Variants in GAS7 observed in about 807,000 individuals in gnomAD.
GAS7 encodes the protein growth arrest-specific protein 7.
In GAS7, 28 loss-of-function variants were observed where a neutral mutation model predicts 71.1. That is an observed-to-expected ratio of 0.39 (90% CI 0.29 to 0.54). GAS7 has a LOEUF of 0.54. Among genes scored for constraint, GAS7 ranks in the 20% least tolerant of loss-of-function variants. The probability of loss-of-function intolerance (pLI) is 0.62; values close to 1 mark genes in which losing one functional copy is unlikely to be tolerated. For missense variants in GAS7, 436 were observed against 627.8 expected (o/e 0.69, Z 3.27); for synonymous variants, 258 against 245.8 (o/e 1.05, Z -0.46).
intron 2 of GAS7, among the ~76,000 whole-genome samples, chr17:10,001,902 C>T (rs3786081): frequency 0.24 from 36,601 of 152,014 alleles, 6,830 homozygotes; most frequent in African/African-American, 0.53. Flanking sequence ...CCACATTCAC[C>T]GATGGCCTGG....
chr17:10,055,172 A>G (rs545156828), intron 1 of GAS7, among the ~76,000 whole-genome samples: 5 of 152,314 alleles, frequency 3.3e-5, no homozygotes, highest in African/African-American at 1.2e-4. Flanking sequence ...TGAATGTGAA[A>G]TGACACAGCC....
Position 9,940,106 on chromosome 17 carries a change from C to T in GAS7, c.806+20G>A, listed in dbSNP as rs139109935. 638 of 1,405,182 alleles carry T rather than the reference C, an allele frequency of 4.5e-4. 10 individuals are homozygous for T. The East Asian group carries it at 0.013, about 28-fold the overall frequency. The allele number at this position is 1,405,182 out of a possible 1,614,324, so 87.0% of individuals were successfully genotyped here. A position where few individuals can be genotyped will look rare whatever the true frequency, so the allele number is the denominator to read the frequency against. The stretch of plus-strand genomic sequence containing the variant: ...TGACCCCCCATCCTCCCCACTCCCA[C>T]CTCTCTCCTACCCACTCACCCTTCC... On this transcript the variant is annotated intron_variant, in intron 8 of 13. Transcript: ENST00000432992.
At chr17:10,142,025 A>G (rs368423237) in intron 1 of GAS7, among the ~76,000 whole-genome samples, 171 of 152,006 alleles carry the variant, frequency 1.1e-3, no homozygotes, top group African/African-American at 3.6e-3. Context: ...TCAGGAGATC[A>G]AGACCATCCT....
chr17:10,073,853 C>T (rs1192478101), intron 1 of GAS7, among the ~76,000 whole-genome samples: 1 of 152,196 alleles, frequency 6.6e-6, no homozygotes, highest in African/African-American at 2.4e-5. Context: ...ACTCACTTAT[C>T]AACCAAGGCA....
intron 8 of GAS7, among the ~76,000 whole-genome samples, chr17:9,934,451 C>T (rs2068320871): frequency 6.6e-6 from 1 of 152,030 alleles, no homozygotes; most frequent in African/African-American, 2.4e-5. Context: ...GTGAGCTCAC[C>T]TTACCTCTGG....
At chr17:10,181,094 G>A (rs112833563) in intron 1 of GAS7, among the ~76,000 whole-genome samples, 19,738 of 146,838 alleles carry the variant, frequency 0.13, 1,557 homozygotes, top group African/African-American at 0.21. Flanking sequence ...GGGCACGGTG[G>A]CTCACGCCTG....
Position 9,959,506 on chromosome 17 carries a change from A to G in GAS7, c.472-251T>C. 1.5e-6 allele frequency: 2 copies of G among 1,315,518 alleles called. No individual in the cohort carries two copies. The highest frequency in any genetic ancestry group is 1.8e-5 in the South Asian group (1 of 54,250). The allele number at this position is 1,315,518 out of a possible 1,614,324, so 81.5% of individuals were successfully genotyped here. ...GGCTCTGAGAGAACTGCTCCAAACC[A>G]GGTCTCCCCTCCTCTTCTCTCAGTC... is the stretch of plus-strand genomic sequence containing the variant. On this transcript the variant is annotated intron_variant, in intron 4 of 13. Coordinates refer to ENST00000432992, the MANE Select transcript of GAS7 (RefSeq NM_201433.2). This position sits in a 1 kb window ranked among gnomAD's most constrained non-coding sequence, Gnocchi z 5.0.
At chr17:10,013,553 C>CAAGA (rs1379015049) in intron 2 of GAS7, among the ~76,000 whole-genome samples, 1 of 152,162 alleles carries the variant, frequency 6.6e-6, no homozygotes, top group Non-Finnish European at 1.5e-5. Flanking sequence ...CAGAGAGCCA[C>CAAGA]AAGAAAGATG....
intron 1 of GAS7, among the ~76,000 whole-genome samples, chr17:10,039,502 C>T (rs749561149): frequency 6.6e-6 from 1 of 151,854 alleles, no homozygotes; most frequent in Non-Finnish European, 1.5e-5. Context: ...GCCAACATGG[C>T]GAAAACCCAT....
chr17:10,019,874 C>G lies in GAS7; in HGVS notation c.207G>C (p.Pro69=). The G allele has an allele frequency of 6.2e-7, 1 of 1,613,822 alleles. No individual in the cohort carries two copies. Among genetic ancestry groups the G allele is most frequent in the Non-Finnish European group, 8.5e-7 (1 of 1,179,852 alleles). ...LLEKPGMVPP[P]PGEESQTVIL... is the part of the protein sequence containing the mutation. ...TGACCGTCTGGCTTTCTTCTCCCGG[C>G]GGAGGGGGGACCATTCCAGGCTTCT... The change falls in exon 2 of 14, where the codon CCG becomes CCC. Residue 69 remains proline (P), a synonymous_variant. Transcript: ENST00000432992.
intron 3 of GAS7, among the ~76,000 whole-genome samples, chr17:9,978,790 C>T (rs1248204776): frequency 3.9e-5 from 6 of 152,150 alleles, no homozygotes; most frequent in Admixed American, 6.5e-5. Context: ...TTCATGCTGA[C>T]GTAGGGAGCT....
Position 10,166,460 on chromosome 17 carries a change from TC to T in GAS7, c.183+31747del, listed in dbSNP as rs370862178. 5.8e-4 allele frequency among the ~76,000 whole-genome samples: 88 copies of T among 152,372 alleles called. 1 individual carries two copies. In the South Asian group the frequency reaches 0.017, roughly 30 times the overall value. ...AGTTAGGAAAATATCCTTCACTTTC[TC>T]TAGTTTTCTTCCTTTAGCTTTTCAA... is the stretch of plus-strand genomic sequence containing the variant. On this transcript the variant is annotated intron_variant, in intron 1 of 13. Transcript: ENST00000432992.
intron 6 of GAS7, among the ~76,000 whole-genome samples, chr17:9,946,566 G>A (rs1328553433): frequency 1.3e-5 from 2 of 152,148 alleles, no homozygotes; most frequent in Non-Finnish European, 2.9e-5. Context: ...TGACAAGCAG[G>A]TATGGAGCCC....
chr17:10,045,951 C>G (rs565207018), intron 1 of GAS7, among the ~76,000 whole-genome samples: 3 of 152,220 alleles, frequency 2.0e-5, no homozygotes, highest in East Asian at 3.9e-4. Flanking sequence ...TATGAAATCA[C>G]AGATTTGATT....
At chr17:10,016,494 G>A (rs1035743286) in intron 2 of GAS7, among the ~76,000 whole-genome samples, 1 of 140,636 alleles carries the variant, frequency 7.1e-6, no homozygotes, top group African/African-American at 2.6e-5. Context: ...AAAGAGGAGA[G>A]AGCCGAGCAC....
chr17:10,115,281 G>A (rs551273222), intron 1 of GAS7, among the ~76,000 whole-genome samples: 2 of 152,356 alleles, frequency 1.3e-5, no homozygotes, highest in Admixed American at 6.5e-5. Flanking sequence ...GACCAGGGAC[G>A]GAAGGAGGGA....
chr17:9,967,614 C>CTT (rs55673577), intron 4 of GAS7, among the ~76,000 whole-genome samples: 85 of 150,790 alleles, frequency 5.6e-4, no homozygotes, highest in Middle Eastern at 3.4e-3. Context: ...GTGTGTCCTA[C>CTT]TTTTTTTTTA....
chr17:10,097,207 A>G (rs753250268), intron 1 of GAS7, among the ~76,000 whole-genome samples: 4 of 152,152 alleles, frequency 2.6e-5, no homozygotes, highest in Non-Finnish European at 5.9e-5. Context: ...GAATACATTT[A>G]CTACAGTTCC....
At position 10,128,228 on chromosome 17, in the gene GAS7, C is replaced by T. The variant is rs573570582; in HGVS notation, c.183+69980G>A. 6.6e-5 allele frequency among the ~76,000 whole-genome samples: 10 copies of T among 152,324 alleles called. No homozygotes were observed. In the East Asian group the frequency reaches 9.7e-4, roughly 15 times the overall value. On this transcript the variant is annotated intron_variant, in intron 1 of 13. Transcript: ENST00000432992. ...CACAGTGCTCCAGGATTCCACTCTG[C>T]GGTGCAGACTTCGAGAGGAAACAAT...
Sources: allele counts gnomAD v4.1 joint callset (sites outside exome capture counted in the v4.1 genomes callset), GRCh38; gene constraint gnomAD v4.1.1; non-coding constraint Gnocchi (gnomAD v3.1); transcripts MANE v1.5; gene names NCBI Gene and HGNC (gene_info 2026-07-23, HGNC 2026-07-21).